Variants in LDLRAD4 observed in about 807,000 individuals in gnomAD.
LDLRAD4 encodes low density lipoprotein receptor class A domain containing 4.
Under a neutral mutation model 17.0 loss-of-function variants are expected in LDLRAD4, and 5 were observed. The ratio of observed to expected loss-of-function variants is 0.29; its 90% confidence interval spans 0.15 to 0.62. The LOEUF (loss-of-function observed/expected upper bound fraction) is 0.62, where lower values mean the gene tolerates loss of function less well. Ranked by LOEUF, LDLRAD4 falls within the 20% of genes least tolerant of loss-of-function variation. The pLI is 0.84. For synonymous variants in LDLRAD4, 168 were observed against 171.8 expected (o/e 0.98, Z 0.17); for missense variants, 340 against 424.7 (o/e 0.80, Z 1.75).
intron 3 of LDLRAD4, among the ~76,000 whole-genome samples, chr18:13,492,395 G>A (rs1388383406): frequency 6.6e-6 from 1 of 152,220 alleles, no homozygotes; most frequent in African/African-American, 2.4e-5. Flanking sequence ...GCTGTAATCC[G>A]GTGGAGTGGC....
chr18:13,325,208 T>C (rs565094152), intron 1 of LDLRAD4, among the ~76,000 whole-genome samples: 1 of 152,360 alleles, frequency 6.6e-6, no homozygotes, highest in African/African-American at 2.4e-5. Context: ...TGCATCCAGC[T>C]TAACTTTTCC....
chr18:13,543,348 G>C (rs1212122670), intron 3 of LDLRAD4: 1 of 152,166 alleles, frequency 6.6e-6, no homozygotes, highest in Non-Finnish European at 1.5e-5. Flanking sequence ...CCACACATGC[G>C]AGCCTCCCGG....
At chr18:13,266,035 C>T (rs1454909231) in intron 1 of LDLRAD4, among the ~76,000 whole-genome samples, 2 of 152,196 alleles carry the variant, frequency 1.3e-5, no homozygotes, top group Non-Finnish European at 1.5e-5. Context: ...GTTAAAAATA[C>T]GGATTCCTGG....
chr18:13,301,894 A>T (rs2046625784), intron 1 of LDLRAD4, among the ~76,000 whole-genome samples: 1 of 152,030 alleles, frequency 6.6e-6, no homozygotes, highest in South Asian at 2.1e-4. Flanking sequence ...TATGGGTTTG[A>T]TGGCAGGGGA....
rs200489935 is a variant in LDLRAD4 at position 13,645,117 on chromosome 18, T to C, written c.391-10T>C. 1.3e-6 allele frequency: 2 copies of C among 1,596,846 alleles called. No homozygotes were observed. Among genetic ancestry groups the C allele is most frequent in the East Asian group, 4.5e-5 (2 of 44,634 alleles). ...AAACTGTCTTCAAGCCTCTCCTCTTTTCCTTCCAGATCATGCATGCCCCGC... is the reference window on the plus strand; with the variant it reads ...AAACTGTCTTCAAGCCTCTCCTCTTCTCCTTCCAGATCATGCATGCCCCGC... On this transcript the variant is annotated splice_polypyrimidine_tract_variant and intron_variant, in intron 5 of 5. Transcript: ENST00000359446. This position sits in a 1 kb window ranked among gnomAD's most constrained non-coding sequence, Gnocchi z 5.7.
chr18:13,315,160 A>G (rs138831727), intron 1 of LDLRAD4, among the ~76,000 whole-genome samples: 19 of 152,320 alleles, frequency 1.2e-4, no homozygotes, highest in Non-Finnish European at 2.4e-4. Context: ...TTTAGCCTTC[A>G]CAAAAGACCG....
At chr18:13,265,780 G>A (rs964619465) in intron 1 of LDLRAD4, among the ~76,000 whole-genome samples, 1 of 152,054 alleles carries the variant, frequency 6.6e-6, no homozygotes, top group Non-Finnish European at 1.5e-5. Context: ...AAGGTCTGCT[G>A]AAGTCATCTC....
At chr18:13,246,405 C>T (rs1208059961) in intron 1 of LDLRAD4, among the ~76,000 whole-genome samples, 1 of 152,256 alleles carries the variant, frequency 6.6e-6, no homozygotes, top group East Asian at 1.9e-4. Context: ...CGTCGTGTTA[C>T]CACGTGCCAC....
At chr18:13,222,495 A>G (rs1214606272) in intron 1 of LDLRAD4, among the ~76,000 whole-genome samples, 1 of 152,198 alleles carries the variant, frequency 6.6e-6, no homozygotes, top group African/African-American at 2.4e-5. Flanking sequence ...ACAGATTGTT[A>G]ATGTTACATG....
At chr18:13,480,474 C>T (rs2093055505) in intron 3 of LDLRAD4, among the ~76,000 whole-genome samples, 1 of 152,110 alleles carries the variant, frequency 6.6e-6, no homozygotes. Flanking sequence ...CTGTATGGTA[C>T]TGTAGCAGTA....
intron 3 of LDLRAD4, among the ~76,000 whole-genome samples, chr18:13,587,551 T>C (rs2094952285): frequency 6.6e-6 from 1 of 152,224 alleles, no homozygotes; most frequent in South Asian, 2.1e-4. Flanking sequence ...CTTCAAGACA[T>C]ACAGGCTTAG....
chr18:13,385,427 G>A (rs140649227), intron 1 of LDLRAD4, among the ~76,000 whole-genome samples: 27 of 152,148 alleles, frequency 1.8e-4, no homozygotes, highest in East Asian at 1.5e-3. Flanking sequence ...CCAGTCTATC[G>A]GTTGTCTCTT....
intron 3 of LDLRAD4, chr18:13,472,813 G>C: frequency 6.6e-6 from 1 of 152,262 alleles, no homozygotes; most frequent in Non-Finnish European, 1.5e-5. Context: ...TCACTGGGTA[G>C]AAAGGGACAG....
intron 3 of LDLRAD4, among the ~76,000 whole-genome samples, chr18:13,470,041 T>A (rs540708921): frequency 2.0e-5 from 3 of 152,180 alleles, no homozygotes. Flanking sequence ...ATTAACAACA[T>A]TGAGTTTTAT....
At chr18:13,320,276 C>T (rs1272140547) in intron 1 of LDLRAD4, among the ~76,000 whole-genome samples, 1 of 152,214 alleles carries the variant, frequency 6.6e-6, no homozygotes, top group African/African-American at 2.4e-5. Context: ...TTGCATTAGT[C>T]GTATTAGGTG....
chr18:13,468,882 G>T (rs940974631), intron 3 of LDLRAD4, among the ~76,000 whole-genome samples: 1 of 151,306 alleles, frequency 6.6e-6, no homozygotes, highest in Admixed American at 6.6e-5. Flanking sequence ...GATAGCATTA[G>T]GAGATATACC....
At chr18:13,268,890 C>T (rs2044368033) in intron 1 of LDLRAD4, among the ~76,000 whole-genome samples, 1 of 152,218 alleles carries the variant, frequency 6.6e-6, no homozygotes, top group African/African-American at 2.4e-5. Flanking sequence ...AAAATGAAGA[C>T]AGTAAATTAA....
At chr18:13,610,890 C>A (rs1220138222) in intron 3 of LDLRAD4, among the ~76,000 whole-genome samples, 2 of 152,210 alleles carry the variant, frequency 1.3e-5, no homozygotes, top group African/African-American at 2.4e-5. Flanking sequence ...AGGGGAGTTC[C>A]ATTTTTAATT....
chr18:13,624,404 G>T (rs941697345), intron 4 of LDLRAD4, among the ~76,000 whole-genome samples: 1 of 152,206 alleles, frequency 6.6e-6, no homozygotes, highest in African/African-American at 2.4e-5. Context: ...TGGACACTCC[G>T]CAGGAGCCAG....
Sources: gnomAD v4.1 joint callset for allele counts (sites outside exome capture counted in the v4.1 genomes callset) on GRCh38, gnomAD v4.1.1 for gene constraint, Gnocchi (gnomAD v3.1) non-coding constraint, MANE v1.5 for transcripts, NCBI Gene and HGNC (gene_info 2026-07-23, HGNC 2026-07-21) for gene names.